Variants in DACH1 observed in about 807,000 individuals in gnomAD.
The protein encoded by DACH1 is dachshund homolog 1.
Under a neutral mutation model 54.2 loss-of-function variants are expected in DACH1, and 12 were observed. That is an observed-to-expected ratio of 0.22 (90% CI 0.14 to 0.36). DACH1 has a LOEUF of 0.36. Among genes scored for constraint, DACH1 ranks in the 10% least tolerant of loss-of-function variants. The probability of loss-of-function intolerance (pLI) is 1.00; values close to 1 mark genes in which losing one functional copy is unlikely to be tolerated. For missense variants in DACH1, 805 were observed against 929.8 expected (o/e 0.87, Z 1.75); for synonymous variants, 386 against 366.2 (o/e 1.05, Z -0.62).
chr13:71,614,350 T>C (rs1232595131), intron 3 of DACH1, among the ~76,000 whole-genome samples: 1 of 152,112 alleles, frequency 6.6e-6, no homozygotes, highest in African/African-American at 2.4e-5. Context: ...AAGAGTAGTT[T>C]CAAGAGAATG....
chr13:71,667,734 G>A (rs1041902088), intron 2 of DACH1, among the ~76,000 whole-genome samples: 1 of 152,076 alleles, frequency 6.6e-6, no homozygotes, highest in Non-Finnish European at 1.5e-5. Flanking sequence ...CCTTGGAATA[G>A]TATCCTTAAA....
At chr13:71,460,541 C>T (rs1875982636) in intron 10 of DACH1, among the ~76,000 whole-genome samples, 1 of 151,836 alleles carries the variant, frequency 6.6e-6, no homozygotes, top group Non-Finnish European at 1.5e-5. Context: ...GGTGTTGATG[C>T]CCCATCCTGT....
intron 1 of DACH1, among the ~76,000 whole-genome samples, chr13:71,777,884 A>G (rs542327812): frequency 3.3e-5 from 5 of 152,162 alleles, no homozygotes; most frequent in South Asian, 2.1e-4. Context: ...TGGGAGGCCA[A>G]TGAAGGTGGA....
chr13:71,544,748 G>T (rs1159866748), intron 6 of DACH1, among the ~76,000 whole-genome samples: 1 of 151,952 alleles, frequency 6.6e-6, no homozygotes, highest in Non-Finnish European at 1.5e-5. Context: ...AAATAATATA[G>T]ACCCCACCAC....
At chr13:71,644,587 G>T (rs1287986951) in intron 2 of DACH1, among the ~76,000 whole-genome samples, 1 of 152,156 alleles carries the variant, frequency 6.6e-6, no homozygotes, top group Admixed American at 6.5e-5. Flanking sequence ...GCAAGAAAAG[G>T]GGAAAGAGAG....
chr13:71,745,578 G>A (rs989982012), intron 1 of DACH1, among the ~76,000 whole-genome samples: 3 of 152,130 alleles, frequency 2.0e-5, no homozygotes, highest in African/African-American at 4.8e-5. Context: ...TCATCAAAAC[G>A]TGACATCGAG....
Position 71,866,779 on chromosome 13 carries a change from T to C in DACH1, c.-10A>G, listed in dbSNP as rs540531401. 199 of 1,314,740 alleles carry C rather than the reference T, an allele frequency of 1.5e-4. 1 individual carries two copies. In the East Asian group the frequency reaches 5.4e-3, roughly 36 times the overall value. The allele number at this position is 1,314,740 out of a possible 1,614,324, so 81.4% of individuals were successfully genotyped here. On this transcript the variant is annotated 5_prime_UTR_variant, in exon 1 of 11. Coordinates refer to ENST00000613252, the MANE Select transcript of DACH1 (RefSeq NM_080759.6). ...CCGCCGGCACTGCCATGGTCACATA[T>C]AAGGGGAAACAGACGGAGGAGAAGC...
chr13:71,498,744 G>A lies in DACH1; in HGVS notation c.1571-9596C>T, dbSNP rs76182003. Among the ~76,000 whole-genome samples, 870 of 152,026 alleles carry A rather than the reference G, an allele frequency of 5.7e-3. 11 individuals are homozygous for A. Among genetic ancestry groups the A allele is most frequent in the African/African-American group, 0.02 (825 of 41,466 alleles). ...GAGGGAGGTCAAGAGGTTGTATGAG[G>A]AAACCATGCAAGGATAACAGCTCAA... On this transcript the variant is annotated intron_variant, in intron 6 of 10. Coordinates refer to ENST00000613252, the MANE Select transcript of DACH1 (RefSeq NM_080759.6).
chr13:71,479,046 T>C (rs1229880552), intron 8 of DACH1, 123 bp downstream of exon 8: 3 of 873,054 alleles, frequency 3.4e-6, no homozygotes, highest in Non-Finnish European at 5.0e-6. Flanking sequence ...CAAATTCTGC[T>C]CTGAACTTTA....
Position 71,692,599 on chromosome 13 carries a change from C to T in DACH1, c.849-10689G>A, listed in dbSNP as rs373164503. Reference sequence around the variant, plus strand: ...GTGCAGTGGTGCAATCTTGGCTCACCGCAACCTCTGCCTCCCAGGTTCAAG... The same window carrying T: ...GTGCAGTGGTGCAATCTTGGCTCACTGCAACCTCTGCCTCCCAGGTTCAAG... On this transcript the variant is annotated intron_variant, in intron 1 of 10. Coordinates refer to ENST00000613252, the MANE Select transcript of DACH1 (RefSeq NM_080759.6). Among the ~76,000 whole-genome samples, 57 of 142,624 alleles carry T rather than the reference C, an allele frequency of 4.0e-4. No individual in the cohort carries two copies. The East Asian group carries it at 0.011, about 27-fold the overall frequency. The allele number at this position is 142,624 out of a possible 152,430, so 93.6% of individuals were successfully genotyped here.
At chr13:71,656,921 CATAT>C (rs71123235) in intron 2 of DACH1, among the ~76,000 whole-genome samples, 1,755 of 83,414 alleles carry the variant, frequency 0.021, 71 homozygotes, top group African/African-American at 0.071. Flanking sequence ...GTTCTTCTTT[CATAT>C]ATATATATAT....
In DACH1 at chr13:71,790,451, TA is replaced by T. The variant is rs1331441620; in HGVS notation, c.848+75470del. On this transcript the variant is annotated intron_variant, in intron 1 of 10. Coordinates refer to ENST00000613252, the MANE Select transcript of DACH1 (RefSeq NM_080759.6). Reference sequence around the variant, plus strand: ...ACATGACTCTTTTGATGACTTGACTTAGAGTTTCACGTTTTGGCCTTTGGCA... The same window carrying T: ...ACATGACTCTTTTGATGACTTGACTTGAGTTTCACGTTTTGGCCTTTGGCA... 9.8e-5 allele frequency among the ~76,000 whole-genome samples: 15 copies of T among 152,296 alleles called. 1 individual carries two copies. The South Asian group carries it at 2.9e-3, about 29-fold the overall frequency.
chr13:71,681,628 T>C (rs1442009615), intron 2 of DACH1, among the ~76,000 whole-genome samples, 167 bp downstream of exon 2: 1 of 152,252 alleles, frequency 6.6e-6, no homozygotes, highest in Non-Finnish European at 1.5e-5. Flanking sequence ...AAAGAAAAGA[T>C]GGTAATCATA....
intron 2 of DACH1, among the ~76,000 whole-genome samples, chr13:71,658,094 A>G (rs999482271): frequency 6.6e-6 from 1 of 152,226 alleles, no homozygotes; most frequent in Non-Finnish European, 1.5e-5. Flanking sequence ...AACACAGTAT[A>G]TCTATGATAT....
At chr13:71,573,551 A>T (rs1424774572) in intron 3 of DACH1, 1 of 621,256 alleles carries the variant, frequency 1.6e-6, no homozygotes, top group African/African-American at 1.9e-5. Flanking sequence ...GTGTTTCCTT[A>T]TCCCAGGAAC....
chr13:71,561,806 A>G (rs192554794), intron 4 of DACH1, among the ~76,000 whole-genome samples: 4 of 152,148 alleles, frequency 2.6e-5, no homozygotes, highest in African/African-American at 4.8e-5. Context: ...TAATTTTTCA[A>G]TGATGTACAT....
At chr13:71,676,024 A>G (rs1880544679) in intron 2 of DACH1, among the ~76,000 whole-genome samples, 1 of 152,196 alleles carries the variant, frequency 6.6e-6, no homozygotes, top group African/African-American at 2.4e-5. Flanking sequence ...ATAAACATCA[A>G]GTGTTTAAAT....
chr13:71,844,352 T>C (rs1024646020), intron 1 of DACH1, among the ~76,000 whole-genome samples: 1 of 152,138 alleles, frequency 6.6e-6, no homozygotes, highest in Non-Finnish European at 1.5e-5. Context: ...TCCATGCATT[T>C]AGTCATCCAC....
At chr13:71,461,406 A>T (rs1876061985) in intron 10 of DACH1, among the ~76,000 whole-genome samples, 1 of 152,002 alleles carries the variant, frequency 6.6e-6, no homozygotes, top group Admixed American at 6.6e-5. Context: ...ATGCTGTATT[A>T]TAATTGTTTT....
Sources: gnomAD v4.1 joint callset for allele counts (sites outside exome capture counted in the v4.1 genomes callset) on GRCh38, gnomAD v4.1.1 for gene constraint, MANE v1.5 for transcripts, NCBI Gene and HGNC (gene_info 2026-07-23, HGNC 2026-07-21) for gene names.